The following ACO2 variants were observed in gnomAD, a reference collection of about 807,000 sequenced individuals.
The protein encoded by ACO2 is aconitate hydratase, mitochondrial.
ACO2 carries 31 observed loss-of-function variants against 84.5 expected under a neutral mutation model. The observed-to-expected ratio is 0.37, with a 90% CI of 0.28 to 0.50. The LOEUF (loss-of-function observed/expected upper bound fraction) is 0.50. ACO2 is among the 20% of genes least tolerant of loss of function. The pLI is 0.97. For missense variants in ACO2, 685 were observed against 1,029.3 expected (o/e 0.67, Z 4.58); for synonymous variants, 414 against 412.7 (o/e 1.00, Z -0.04).
chr22:41,527,356 A>G lies in ACO2; in HGVS notation c.2022A>G (p.Ala674=). The G allele has an allele frequency of 6.2e-7, 1 of 1,614,088 alleles. No homozygotes were observed. ...NYGEGSSREH[A]ALEPRHLGGR... ...GCGAGGGCTCGAGCCGGGAGCATGC[A>G]GCTCTGGAGCCTCGCCACCTTGGGG... The change falls in exon 16 of 18, where the codon GCA becomes GCG. Residue 674 remains alanine (A), a synonymous_variant. Coordinates refer to ENST00000216254, the MANE Select transcript of ACO2 (RefSeq NM_001098.3).
chr22:41,507,737 G>T (rs552187968), intron 2 of ACO2, 54 bp from the exon 3 acceptor site: 1 of 1,572,944 alleles, frequency 6.4e-7, no homozygotes, highest in Admixed American at 1.7e-5. Flanking sequence ...GAGGCAGGGC[G>T]GGAGGAGGCC....
At chr22:41,490,283 G>A (rs555118220) in intron 1 of ACO2, among the ~76,000 whole-genome samples, 7 of 152,144 alleles carry the variant, frequency 4.6e-5, no homozygotes, top group Admixed American at 2.6e-4. Context: ...CCGAGACTGC[G>A]CCACTGCACT....
At chr22:41,525,432 AG>A (rs1399770797) in intron 14 of ACO2, 84 bp downstream of exon 14, 17 of 1,543,360 alleles carry the variant, frequency 1.1e-5, no homozygotes, top group Non-Finnish European at 1.3e-5. Context: ...ATGAACCTGG[AG>A]GAAGTGAGCA....
intron 1 of ACO2, among the ~76,000 whole-genome samples, chr22:41,490,196 G>A (rs983479573): frequency 6.6e-6 from 1 of 152,082 alleles, no homozygotes; most frequent in African/African-American, 2.4e-5. Context: ...GGTAGCACGT[G>A]CCTGTAGTCC....
chr22:41,476,918 G>A (rs975937174), intron 1 of ACO2, among the ~76,000 whole-genome samples: 2 of 151,522 alleles, frequency 1.3e-5, no homozygotes, highest in Non-Finnish European at 2.9e-5. Flanking sequence ...GGAGGCCGAG[G>A]TGGGTGGATC....
intron 1 of ACO2, among the ~76,000 whole-genome samples, chr22:41,488,710 C>G (rs73418900): frequency 0.041 from 6,187 of 152,274 alleles, 396 homozygotes; most frequent in African/African-American, 0.14. Flanking sequence ...GGCCTGGGTT[C>G]TGGGGGTTTC....
In ACO2 at chr22:41,523,826, G is replaced by A. The variant is rs2066548582; in HGVS notation, c.1371-4G>A. ...CCCTAACCCTGATCCCTCTGACCTG[G>A]CAGGAAGGACATCAAGAAGGGGGAG... On this transcript the variant is annotated splice_polypyrimidine_tract_variant and splice_region_variant and intron_variant, in intron 11 of 17. Coordinates refer to ENST00000216254, the MANE Select transcript of ACO2 (RefSeq NM_001098.3). The A allele has an allele frequency of 6.2e-7, 1 of 1,611,398 alleles. No individual in the cohort carries two copies. The highest frequency in any genetic ancestry group is 8.5e-7 in the Non-Finnish European group (1 of 1,179,378).
intron 17 of ACO2, 83 bp downstream of exon 17, chr22:41,528,105 T>A: frequency 6.3e-7 from 1 of 1,585,850 alleles, no homozygotes; most frequent in Non-Finnish European, 8.6e-7. Flanking sequence ...CAGGGTAGCT[T>A]CTCCCAGGAG....
intron 1 of ACO2, among the ~76,000 whole-genome samples, chr22:41,480,434 A>G (rs1433795275): frequency 6.6e-6 from 1 of 152,132 alleles, no homozygotes; most frequent in East Asian, 1.9e-4. Context: ...TTCAATTCCA[A>G]GATGTGCTGT....
chr22:41,520,125 T>C lies in ACO2; in HGVS notation c.1033-46T>C, dbSNP rs373705210. 2.6e-6 allele frequency: 4 copies of C among 1,549,754 alleles called. No homozygotes were observed. The African/African-American group carries it at 5.4e-5, about 21-fold the overall frequency. Reference sequence around the variant, plus strand: ...GAAAGAGGCTGTCCCCGCTTCAAGGTTTCTTCCCTCCTCTCTTTCTTCTCC... The same window carrying C: ...GAAAGAGGCTGTCCCCGCTTCAAGGCTTCTTCCCTCCTCTCTTTCTTCTCC... On this transcript the variant is annotated intron_variant, in intron 8 of 17. Transcript: ENST00000216254.
intron 1 of ACO2, among the ~76,000 whole-genome samples, chr22:41,496,816 G>A (rs1028362244): frequency 6.6e-6 from 1 of 152,160 alleles, no homozygotes; most frequent in Non-Finnish European, 1.5e-5. Flanking sequence ...GTTAGAATGG[G>A]TGATGGTCAG....
At chr22:41,504,764 C>T (rs2066380985) in intron 2 of ACO2, among the ~76,000 whole-genome samples, 1 of 128,566 alleles carries the variant, frequency 7.8e-6, no homozygotes, top group African/African-American at 2.9e-5. Context: ...TGCTCTGTTA[C>T]CCAGGCTGGA....
intron 1 of ACO2, among the ~76,000 whole-genome samples, chr22:41,476,407 TA>T (rs760179812): frequency 0.015 from 1,736 of 113,588 alleles, 22 homozygotes; most frequent in African/African-American, 0.043. Flanking sequence ...AACTCTGTCT[TA>T]AAAAAAAAAA....
intron 1 of ACO2, among the ~76,000 whole-genome samples, chr22:41,496,872 G>A (rs963498773): frequency 2.0e-5 from 3 of 152,076 alleles, no homozygotes; most frequent in Non-Finnish European, 2.9e-5. Context: ...TGGGTGACTC[G>A]AACAGGGAAT....
In ACO2 at chr22:41,528,937, C is replaced by T. The variant is rs1053566320; in HGVS notation, c.*324C>T. The T allele has an allele frequency of 2.0e-5, 10 of 510,844 alleles. No individual in the cohort carries two copies. The highest frequency in any genetic ancestry group is 3.5e-5 in the Non-Finnish European group (10 of 289,294). The allele number at this position is 510,844 out of a possible 1,614,324, so 31.6% of individuals were successfully genotyped here. On this transcript the variant is annotated 3_prime_UTR_variant, in exon 18 of 18. Transcript: ENST00000216254. ...TTGGTGGCTGAAGGATTCTAGAGAA[C>T]CTTTTGTTCTTGCAAGGAAAACAAG... is the stretch of plus-strand genomic sequence containing the variant.
rs548469778 is a variant in ACO2 at position 41,504,709 on chromosome 22, G to A, written c.174-3082G>A. Among the ~76,000 whole-genome samples, 490 of 107,756 alleles carry A rather than the reference G, an allele frequency of 4.5e-3. 7 individuals are homozygous for A. Among genetic ancestry groups the A allele is most frequent in the African/African-American group, 0.02 (474 of 24,136 alleles). The allele number at this position is 107,756 out of a possible 152,430, so 70.7% of individuals were successfully genotyped here. A position where few individuals can be genotyped will look rare whatever the true frequency, so the allele number is the denominator to read the frequency against. On this transcript the variant is annotated intron_variant, in intron 2 of 17. Coordinates refer to ENST00000216254, the MANE Select transcript of ACO2 (RefSeq NM_001098.3). ...TTGCCAGCAGATCCAGCACCTTAGGGACTTTTTTTTTTTTTTTTTTTTTTT... is the reference window on the plus strand; with the variant it reads ...TTGCCAGCAGATCCAGCACCTTAGGAACTTTTTTTTTTTTTTTTTTTTTTT...
rs144204883 is a variant in ACO2 at position 41,507,861 on chromosome 22, A to G, written c.244A>G (p.Ile82Val). 4 of 1,614,118 alleles carry G rather than the reference A, an allele frequency of 2.5e-6. No individual in the cohort carries two copies. The highest frequency in any genetic ancestry group is 2.2e-5 in the South Asian group (2 of 91,086). ...CCTGGATGACCCCGCCAGCCAGGAA[A>G]TTGAGCGAGGCAAGTCGTACCTGCG... The part of the protein sequence containing the change: ...GHLDDPASQE[I>V]ERGKSYLRLR... Residue 82 changes from isoleucine (I) to valine (V), a missense_variant, in exon 3 of 18, where the codon ATT becomes GTT. By Grantham distance (29) the Ile-to-Val change is conservative. Coordinates refer to ENST00000216254, the MANE Select transcript of ACO2 (RefSeq NM_001098.3).
In ACO2 at chr22:41,507,891, CG is replaced by C; in HGVS notation, c.276del (p.Pro93ArgfsTer37). 6.2e-7 allele frequency: 1 copy of C among 1,614,178 alleles called. No homozygotes were observed. Among genetic ancestry groups the C allele is most frequent in the Non-Finnish European group, 8.5e-7 (1 of 1,180,040 alleles). Reference protein sequence around the residue: ...IERGKSYLRLRPDRVAMQDAT... With the variant: ...IERGKSYLRLXPDRVAMQDAT... ...GCGAGGCAAGTCGTACCTGCGGCTG[CG>C]GCCGGACCGTGTGGCCATGCAGGAT... On this transcript the variant is annotated frameshift_variant, in exon 3 of 18. Coordinates refer to ENST00000216254, the MANE Select transcript of ACO2 (RefSeq NM_001098.3). LOFTEE classifies it high-confidence loss of function.
Position 41,517,634 on chromosome 22 carries a change from G to A in ACO2, c.940+3G>A. On this transcript the variant is annotated splice_donor_region_variant and intron_variant, in intron 7 of 17. Transcript: ENST00000216254. ...CCTGAGCAAGACCGGCCGGGAAGGTGAGCTGGCAGGGGCAGGCCCGTGTGG... is the reference window on the plus strand; with the variant it reads ...CCTGAGCAAGACCGGCCGGGAAGGTAAGCTGGCAGGGGCAGGCCCGTGTGG... 6.2e-7 allele frequency: 1 copy of A among 1,613,456 alleles called. No homozygotes were observed. Among genetic ancestry groups the A allele is most frequent in the Non-Finnish European group, 8.5e-7 (1 of 1,179,586 alleles).
Sources: allele counts gnomAD v4.1 joint callset (sites outside exome capture counted in the v4.1 genomes callset), GRCh38; gene constraint gnomAD v4.1.1; transcripts MANE v1.5; gene names NCBI Gene and HGNC (gene_info 2026-07-23, HGNC 2026-07-21).